Variants in TMPRSS2 observed in about 807,000 individuals in gnomAD.
The protein encoded by TMPRSS2 is transmembrane serine protease 2.
In TMPRSS2, 59 loss-of-function variants were observed where a neutral mutation model predicts 67.4. That is an observed-to-expected ratio of 0.88 (90% CI 0.71 to 1.09). TMPRSS2 has a LOEUF of 1.09. Ranked by LOEUF, TMPRSS2 falls within the 50% of genes least tolerant of loss-of-function variation. The pLI is 0.00. For synonymous variants in TMPRSS2, 257 were observed against 257.0 expected, an observed-to-expected ratio of 1.00 and a Z score of 0.00; for missense variants, 668 against 642.7, an observed-to-expected ratio of 1.04 and a Z score of -0.43.
At chr21:41,469,987 C>T (rs575431958) in intron 11 of TMPRSS2, among the ~76,000 whole-genome samples, 6 of 152,148 alleles carry the variant, frequency 3.9e-5, no homozygotes, top group East Asian at 1.9e-4. Flanking sequence ...CCTTCCCTGA[C>T]GCTCCCCAGA....
intron 13 of TMPRSS2, among the ~76,000 whole-genome samples, chr21:41,466,488 G>T (rs1373140225): frequency 6.6e-6 from 1 of 152,184 alleles, no homozygotes; most frequent in East Asian, 1.9e-4. Flanking sequence ...AACACACCTG[G>T]ATCATTTCCT....
intron 1 of TMPRSS2, among the ~76,000 whole-genome samples, chr21:41,506,922 G>C (rs1414996636): frequency 6.6e-6 from 1 of 152,194 alleles, no homozygotes; most frequent in Admixed American, 6.5e-5. Context: ...GGTTCGCACG[G>C]AGGGAAGGGC....
At chr21:41,498,216 ATAT>A in intron 1 of TMPRSS2, 27 bp from the exon 2 acceptor site, 5 of 1,466,928 alleles carry the variant, frequency 3.4e-6, no homozygotes, top group Non-Finnish European at 4.8e-6. Context: ...CAGGACTGTA[ATAT>A]TTCCATACCA....
At chr21:41,467,251 T>C (rs2091092905) in intron 13 of TMPRSS2, among the ~76,000 whole-genome samples, 1 of 151,886 alleles carries the variant, frequency 6.6e-6, no homozygotes, top group Admixed American at 6.6e-5. Flanking sequence ...TAGCTGGGCG[T>C]GGTGGCGCAT....
intron 4 of TMPRSS2, 83 bp from the exon 5 acceptor site, chr21:41,488,596 CT>C: frequency 2.1e-6 from 3 of 1,443,210 alleles, no homozygotes; most frequent in Non-Finnish European, 2.8e-6. Context: ...CGTGGCATTA[CT>C]GTAGCTCGCT....
intron 1 of TMPRSS2, among the ~76,000 whole-genome samples, chr21:41,503,528 G>A (rs1356070976): frequency 6.6e-6 from 1 of 152,132 alleles, no homozygotes; most frequent in South Asian, 2.1e-4. Flanking sequence ...CGTAAGAGCC[G>A]GCTATGTGGA....
intron 1 of TMPRSS2, chr21:41,502,488 C>A (rs1386759248): frequency 1.0e-6 from 1 of 985,282 alleles, no homozygotes; most frequent in African/African-American, 1.7e-5. Context: ...ACTCAGTGCC[C>A]CTTCTTCAAA....
At chr21:41,504,324 A>G (rs1263251997) in intron 1 of TMPRSS2, among the ~76,000 whole-genome samples, 1 of 152,118 alleles carries the variant, frequency 6.6e-6, no homozygotes, top group Non-Finnish European at 1.5e-5. Context: ...AGCGCCATCC[A>G]CACATAGATG....
intron 1 of TMPRSS2, among the ~76,000 whole-genome samples, chr21:41,504,984 G>A (rs950242679): frequency 1.3e-5 from 2 of 152,138 alleles, no homozygotes; most frequent in Non-Finnish European, 2.9e-5. Context: ...GGACACTCAG[G>A]GAGTGCAGAG....
Position 41,465,379 on chromosome 21 carries a change from C to T in TMPRSS2, c.*763G>A, listed in dbSNP as rs1043339255. 10 of 233,634 alleles carry T rather than the reference C, an allele frequency of 4.3e-5. No homozygotes were observed. The highest frequency in any genetic ancestry group is 7.6e-5 in the Non-Finnish European group (9 of 118,086). 14.5% of individuals were successfully genotyped at this position (233,634 alleles called of 1,614,324 possible). ...CTGCCAGGACCAAGGGGCATGTGCA[C>T]TCTCCAGGGTGCTAGGAGCAGGGTC... On this transcript the variant is annotated 3_prime_UTR_variant, in exon 14 of 14. Coordinates refer to ENST00000332149, the MANE Select transcript of TMPRSS2 (RefSeq NM_005656.4).
rs1169440328 is a variant in TMPRSS2, at chr21:41,478,690, G to A, written c.683+482C>T. 2.0e-5 allele frequency among the ~76,000 whole-genome samples: 3 copies of A among 152,118 alleles called. No individual in the cohort carries two copies. Among genetic ancestry groups the A allele is most frequent in the Non-Finnish European group, 4.4e-5 (3 of 68,026 alleles). On this transcript the variant is annotated intron_variant, in intron 7 of 13. Transcript: ENST00000332149. This position sits in a 1 kb window ranked among gnomAD's most constrained non-coding sequence, Gnocchi z 4.0. ...GAGCACCCTCTGGCACTGCTGTCCC[G>A]GGGTTGGGGCTAACGGGACCAGCCA...
intron 2 of TMPRSS2, among the ~76,000 whole-genome samples, chr21:41,497,331 AAAGTCCG>A (rs926302181): frequency 3.9e-5 from 6 of 152,196 alleles, no homozygotes; most frequent in African/African-American, 1.4e-4. Flanking sequence ...CTGTCCTTCA[AAAGTCCG>A]AAGATTACAG....
chr21:41,491,547 A>G (rs191763249), intron 3 of TMPRSS2, among the ~76,000 whole-genome samples: 1 of 152,302 alleles, frequency 6.6e-6, no homozygotes, highest in African/African-American at 2.4e-5. Context: ...TGCAATGATT[A>G]TATATGATGG....
At chr21:41,502,737 A>G (rs2091432604) in intron 1 of TMPRSS2, among the ~76,000 whole-genome samples, 1 of 152,224 alleles carries the variant, frequency 6.6e-6, no homozygotes, top group African/African-American at 2.4e-5. Context: ...TGATTGGCAC[A>G]AGAGTTCTAC....
rs1307770905 is a variant in TMPRSS2 at position 41,495,310 on chromosome 21, T to G, written c.16-732A>C. 2.6e-5 allele frequency among the ~76,000 whole-genome samples: 4 copies of G among 151,866 alleles called. No homozygotes were observed. The East Asian group carries it at 7.8e-4, about 29-fold the overall frequency. On this transcript the variant is annotated intron_variant, in intron 2 of 13. Transcript: ENST00000332149. ...TTATTCACGATTACAGTTGAGAAAATTATTTCCCTCTACATACAAAAATAC... is the reference window on the plus strand; with the variant it reads ...TTATTCACGATTACAGTTGAGAAAAGTATTTCCCTCTACATACAAAAATAC...
At chr21:41,502,814 A>G (rs1339212162) in intron 1 of TMPRSS2, among the ~76,000 whole-genome samples, 6 of 152,198 alleles carry the variant, frequency 3.9e-5, no homozygotes, top group Non-Finnish European at 7.3e-5. Flanking sequence ...GCATCATCCA[A>G]GTTTCTTTTC....
chr21:41,468,724 C>G, intron 11 of TMPRSS2, 186 bp from the exon 12 acceptor site: 3 of 602,880 alleles, frequency 5.0e-6, no homozygotes, highest in Non-Finnish European at 5.7e-6. Flanking sequence ...CTCCTTACAA[C>G]TGGCGGTGCC....
chr21:41,489,626 C>G (rs369830669), intron 3 of TMPRSS2, 33 bp from the exon 4 acceptor site: 3 of 1,516,508 alleles, frequency 2.0e-6, no homozygotes, highest in Non-Finnish European at 9.1e-7. Flanking sequence ...ACGTTCAGAC[C>G]AGAGTTGTTT....
At chr21:41,498,669 G>A (rs573737830) in intron 1 of TMPRSS2, among the ~76,000 whole-genome samples, 7 of 152,336 alleles carry the variant, frequency 4.6e-5, no homozygotes, top group Non-Finnish European at 7.3e-5. Flanking sequence ...AAGGGAGACT[G>A]TATGGCATAA....
Sources: gnomAD v4.1 joint callset for allele counts (sites outside exome capture counted in the v4.1 genomes callset) on GRCh38, gnomAD v4.1.1 for gene constraint, Gnocchi (gnomAD v3.1) non-coding constraint, MANE v1.5 for transcripts, NCBI Gene and HGNC (gene_info 2026-07-23, HGNC 2026-07-21) for gene names.